NELL2: variants seen among roughly 807,000 people sequenced by gnomAD.
NELL2 encodes neural EGFL like 2.
A neutral mutation model predicts 109.6 loss-of-function variants in NELL2; 41 were observed. The observed-to-expected ratio is 0.37, with a 90% confidence interval of 0.29 to 0.49. The LOEUF is 0.49. NELL2 is among the 20% of genes least tolerant of loss of function. The pLI, the probability that NELL2 is intolerant of heterozygous loss-of-function variation, is 0.98. For synonymous variants in NELL2, 355 were observed against 344.7 expected (o/e 1.03, Z -0.33); for missense variants, 900 against 1,008.3 (o/e 0.89, Z 1.45).
At chr12:44,738,560 G>A (rs560385438) in intron 9 of NELL2, among the ~76,000 whole-genome samples, 1 of 151,654 alleles carries the variant, frequency 6.6e-6, no homozygotes, top group South Asian at 2.1e-4. Context: ...GCCAGACACT[G>A]AAAGACAAAT....
intron 13 of NELL2, among the ~76,000 whole-genome samples, chr12:44,639,170 G>T (rs1946754521): frequency 6.6e-6 from 1 of 152,242 alleles, no homozygotes; most frequent in East Asian, 1.9e-4. Context: ...GGTCTAGACA[G>T]CTTATTCTTG....
At chr12:44,693,984 A>G (rs2136400989) in intron 12 of NELL2, among the ~76,000 whole-genome samples, 1 of 152,346 alleles carries the variant, frequency 6.6e-6, no homozygotes, top group Non-Finnish European at 1.5e-5. Context: ...TGAAGCCATT[A>G]AAAGGTCAAG....
At chr12:44,566,354 A>T in intron 15 of NELL2, among the ~76,000 whole-genome samples, 1 of 152,170 alleles carries the variant, frequency 6.6e-6, no homozygotes, top group Non-Finnish European at 1.5e-5. Context: ...TCGCCATATA[A>T]TTAGCATTCA....
Position 44,850,884 on chromosome 12 carries a change from C to A in NELL2, c.184+24341G>T, listed in dbSNP as rs540240153. Among the ~76,000 whole-genome samples the A allele has an allele frequency of 7.9e-5, 12 of 152,246 alleles. 1 individual carries two copies. The East Asian group carries it at 2.3e-3, about 29-fold the overall frequency. Reference sequence around the variant, plus strand: ...TGTTAAAGAGAACAGCCAAAGATATCAGGAAGTATGAAGTGCAATTTAGGA... The same window carrying A: ...TGTTAAAGAGAACAGCCAAAGATATAAGGAAGTATGAAGTGCAATTTAGGA... On this transcript the variant is annotated intron_variant, in intron 2 of 19. Transcript: ENST00000429094.
chr12:44,566,400 G>C (rs1398560418), intron 15 of NELL2, among the ~76,000 whole-genome samples: 1 of 152,062 alleles, frequency 6.6e-6, no homozygotes, highest in Non-Finnish European at 1.5e-5. Flanking sequence ...CAAACTCAGG[G>C]AGAAGAAATG....
intron 15 of NELL2, among the ~76,000 whole-genome samples, chr12:44,598,068 GC>G (rs1385654217): frequency 1.3e-5 from 2 of 149,880 alleles, no homozygotes; most frequent in Non-Finnish European, 3.0e-5. Flanking sequence ...CTTTAACTTG[GC>G]CCAAAATCCA....
At chr12:44,565,073 G>C (rs1436558127) in intron 15 of NELL2, among the ~76,000 whole-genome samples, 3 of 152,122 alleles carry the variant, frequency 2.0e-5, no homozygotes, top group Admixed American at 2.0e-4. Flanking sequence ...AATGGAGTCT[G>C]ATAATCTGTC....
chr12:44,776,187 C>A, intron 7 of NELL2, 37 bp from the exon 8 acceptor site: 1 of 1,606,030 alleles, frequency 6.2e-7, no homozygotes, highest in East Asian at 2.2e-5. Context: ...ATTGTTCATC[C>A]TTCCAGCAAC....
intron 9 of NELL2, among the ~76,000 whole-genome samples, chr12:44,725,840 G>A (rs1350658925): frequency 2.0e-5 from 3 of 152,204 alleles, no homozygotes; most frequent in Admixed American, 1.3e-4. Context: ...CAGACACTGT[G>A]GTCTATTTGA....
rs536419944 is a variant in NELL2, at chr12:44,695,344, G to A, written c.1318+8382C>T. 2.6e-4 allele frequency among the ~76,000 whole-genome samples: 39 copies of A among 149,966 alleles called. No homozygotes were observed. In the South Asian group the frequency reaches 6.7e-3, roughly 26 times the overall value. On this transcript the variant is annotated intron_variant, in intron 12 of 19. Coordinates refer to ENST00000429094, the MANE Select transcript of NELL2 (RefSeq NM_001145108.2). ...TTCAATTTTTAAAGTAGTTAACTACGATTAAAAATGCCTTTCTAAAGAAAA... is the reference window on the plus strand; with the variant it reads ...TTCAATTTTTAAAGTAGTTAACTACAATTAAAAATGCCTTTCTAAAGAAAA...
At chr12:44,535,419 G>A (rs1263308713) in intron 15 of NELL2, among the ~76,000 whole-genome samples, 1 of 151,920 alleles carries the variant, frequency 6.6e-6, no homozygotes, top group Non-Finnish European at 1.5e-5. Flanking sequence ...AGTATTTATT[G>A]AATGCATTTT....
intron 13 of NELL2, among the ~76,000 whole-genome samples, chr12:44,662,229 T>C (rs1354403102): frequency 6.6e-6 from 1 of 152,182 alleles, no homozygotes; most frequent in Non-Finnish European, 1.5e-5. Context: ...GTCATTATTA[T>C]AAGATCTGTA....
chr12:44,892,911 G>A (rs1945552294), intron 1 of NELL2, among the ~76,000 whole-genome samples: 1 of 149,296 alleles, frequency 6.7e-6, no homozygotes, highest in Non-Finnish European at 1.5e-5. Flanking sequence ...CTGATCCCAA[G>A]ATCCAAACTA....
At chr12:44,819,825 T>C (rs1943480874) in intron 2 of NELL2, among the ~76,000 whole-genome samples, 1 of 152,214 alleles carries the variant, frequency 6.6e-6, no homozygotes, top group African/African-American at 2.4e-5. Flanking sequence ...ATTCTGCTTA[T>C]GCTACAGGGA....
At chr12:44,716,562 A>AT (rs530301666) in intron 9 of NELL2, among the ~76,000 whole-genome samples, 50 of 152,160 alleles carry the variant, frequency 3.3e-4, no homozygotes, top group African/African-American at 1.1e-3. Context: ...AATTTTTAGG[A>AT]TTTTTTTGTT....
Position 44,522,114 on chromosome 12 carries a change from A to G in NELL2, c.2061T>C (p.Phe687=). The part of the protein sequence containing the change: ...CDCENPTVDL[F]CCPECDPRLS... Reference sequence around the variant, plus strand: ...GCCTTGGGTCACATTCAGGGCAGCAAAAAAGATCAACTGTGGGATTCTCAC... The same window carrying G: ...GCCTTGGGTCACATTCAGGGCAGCAGAAAAGATCAACTGTGGGATTCTCAC... Residue 687 remains phenylalanine, a synonymous_variant, in exon 18 of 20, where the codon TTT becomes TTC. Transcript: ENST00000429094. 5 of 1,614,134 alleles carry G rather than the reference A, an allele frequency of 3.1e-6. No individual in the cohort carries two copies. The highest frequency in any genetic ancestry group is 4.2e-6 in the Non-Finnish European group (5 of 1,180,022).
chr12:44,568,439 G>GA (rs1241602963), intron 15 of NELL2, among the ~76,000 whole-genome samples: 1 of 152,114 alleles, frequency 6.6e-6, no homozygotes, highest in Non-Finnish European at 1.5e-5. Flanking sequence ...GCACAACAGT[G>GA]AGAGTGTGGA....
At chr12:44,599,250 T>C (rs1945102501) in intron 15 of NELL2, among the ~76,000 whole-genome samples, 1 of 151,952 alleles carries the variant, frequency 6.6e-6, no homozygotes, top group Non-Finnish European at 1.5e-5. Context: ...GCAAACACAA[T>C]AAAAGATAAT....
intron 15 of NELL2, among the ~76,000 whole-genome samples, chr12:44,599,960 GTTT>G (rs35401385): frequency 9.0e-6 from 1 of 111,262 alleles, no homozygotes; most frequent in Non-Finnish European, 1.8e-5. Flanking sequence ...CTAGAATTCC[GTTT>G]TTTTTTTTTT....
Sources: allele counts gnomAD v4.1 joint callset (sites outside exome capture counted in the v4.1 genomes callset), GRCh38; gene constraint gnomAD v4.1.1; transcripts MANE v1.5; gene names NCBI Gene and HGNC (gene_info 2026-07-23, HGNC 2026-07-21).